FAM111B: variants seen among roughly 807,000 people sequenced by gnomAD.
The protein encoded by FAM111B is serine protease FAM111B.
In FAM111B, 1 loss-of-function variant was observed where a neutral mutation model predicts 2.8. That is an observed-to-expected ratio of 0.36 (90% CI 0.13 to 1.70). The LOEUF (loss-of-function observed/expected upper bound fraction) is 1.70, where lower values mean the gene tolerates loss of function less well. Ranked by LOEUF, FAM111B falls within the 40% of genes most tolerant of loss-of-function variation. FAM111B has a pLI of 0.35. For missense variants in FAM111B, 882 were observed against 878.9 expected, an observed-to-expected ratio of 1.00 and a Z score of -0.04; for synonymous variants, 297 against 295.6, an observed-to-expected ratio of 1.00 and a Z score of -0.05.
rs1210581813 is a variant in FAM111B at position 59,121,917 on chromosome 11, G to A, written c.82-2262G>A. On this transcript the variant is annotated intron_variant, in intron 3 of 3. Coordinates refer to ENST00000343597, the MANE Select transcript of FAM111B (RefSeq NM_198947.4). ...CCCAGCACTTTGGGAGGCCGAGGCA[G>A]GTGGATCATGAGGTCAGGAGTTGAA... Among the ~76,000 whole-genome samples the A allele has an allele frequency of 5.3e-5, 8 of 152,302 alleles. No individual in the cohort carries two copies. In the East Asian group the frequency reaches 1.5e-3, roughly 29 times the overall value.
intron 3 of FAM111B, among the ~76,000 whole-genome samples, chr11:59,119,543 CT>C (rs942597894): frequency 1.3e-5 from 2 of 151,934 alleles, no homozygotes; most frequent in Non-Finnish European, 2.9e-5. Context: ...CAGGATGCTG[CT>C]TTTTTTTATT....
intron 3 of FAM111B, among the ~76,000 whole-genome samples, chr11:59,115,340 A>G (rs1359389453): frequency 6.6e-6 from 1 of 152,184 alleles, no homozygotes; most frequent in Non-Finnish European, 1.5e-5. Context: ...ACTCATATCC[A>G]TGCTGTTTCT....
At chr11:59,116,747 GATAT>G (rs113302568) in intron 3 of FAM111B, among the ~76,000 whole-genome samples, 8,112 of 152,254 alleles carry the variant, frequency 0.053, 524 homozygotes, top group East Asian at 0.17. Flanking sequence ...CCTCAACCCA[GATAT>G]ATTAAGTCAG....
In FAM111B at chr11:59,124,410, G is replaced by A. The variant is rs374250882; in HGVS notation, c.313G>A (p.Glu105Lys). Residue 105 changes from glutamate (E) to lysine (K), a missense_variant, in exon 4 of 4, where the codon GAG (glutamate) becomes AAG (lysine). Physicochemically the swap from Glu to Lys is moderately conservative, Grantham distance 56. Transcript: ENST00000343597. ...SVFTAYGKPS[E>K]SIYSALSAND... ...GTTTACAGCATATGGTAAACCCAGC[G>A]AGAGTATCTACTCAGCCCTGAGTGC... The A allele has an allele frequency of 4.7e-5, 76 of 1,613,516 alleles. No individual in the cohort carries two copies. Among genetic ancestry groups the A allele is most frequent in the Non-Finnish European group, 6.3e-5 (74 of 1,179,856 alleles).
intron 3 of FAM111B, among the ~76,000 whole-genome samples, chr11:59,122,546 G>A (rs1327388041): frequency 1.3e-5 from 2 of 152,102 alleles, no homozygotes; most frequent in East Asian, 3.8e-4. Context: ...AAGAAGCTGA[G>A]GACTATTCAC....
chr11:59,120,674 A>T (rs1859907194), intron 3 of FAM111B, among the ~76,000 whole-genome samples: 1 of 152,158 alleles, frequency 6.6e-6, no homozygotes, highest in Non-Finnish European at 1.5e-5. Context: ...TGTTTACCTC[A>T]TCTTCCCTCT....
chr11:59,111,274 A>T (rs1157885677), intron 3 of FAM111B, among the ~76,000 whole-genome samples: 1 of 152,160 alleles, frequency 6.6e-6, no homozygotes, highest in African/African-American at 2.4e-5. Context: ...GCACATATAG[A>T]TATTCTTAAG....
intron 3 of FAM111B, among the ~76,000 whole-genome samples, chr11:59,111,558 A>C (rs1334267081): frequency 2.6e-5 from 4 of 152,344 alleles, no homozygotes; most frequent in Non-Finnish European, 5.9e-5. Context: ...CACTAATCAC[A>C]TGTGATTATG....
chr11:59,125,870 T>C lies in FAM111B; in HGVS notation c.1773T>C (p.Thr591=). The change falls in exon 4 of 4, where the codon ACT becomes ACC. Residue 591 remains threonine (T), a synonymous_variant. Transcript: ENST00000343597. ...EGQIKKIDGC[T]VIPLNERLKK... ...AGATCAAGAAAATAGATGGTTGTACTGTGATTCCTCTAAACGAACGATTGA... is the reference window on the plus strand; with the variant it reads ...AGATCAAGAAAATAGATGGTTGTACCGTGATTCCTCTAAACGAACGATTGA... 1 of 1,613,962 alleles carries C rather than the reference T, an allele frequency of 6.2e-7. No individual in the cohort carries two copies. Among genetic ancestry groups the C allele is most frequent in the Non-Finnish European group, 8.5e-7 (1 of 1,179,858 alleles).
chr11:59,125,184 C>G lies in FAM111B; in HGVS notation c.1087C>G (p.Gln363Glu). Residue 363 changes from glutamine (Q) to glutamate (E), a missense_variant, in exon 4 of 4, where the codon CAA (glutamine) becomes GAA (glutamate). Transcript: ENST00000343597. ...LPRKYRQINS[Q>E]VRRRPHLGRR... is the part of the protein sequence containing the mutation. ...CCGAAAATATAGGCAAATAAACTCACAAGTTAGACGGAGGCCGCATCTGGG... is the reference window on the plus strand; with the variant it reads ...CCGAAAATATAGGCAAATAAACTCAGAAGTTAGACGGAGGCCGCATCTGGG... 6.2e-7 allele frequency: 1 copy of G among 1,613,956 alleles called. No homozygotes were observed. The highest frequency in any genetic ancestry group is 1.7e-5 in the Admixed American group (1 of 60,012).
At chr11:59,119,728 T>G (rs1859892225) in intron 3 of FAM111B, among the ~76,000 whole-genome samples, 1 of 152,296 alleles carries the variant, frequency 6.6e-6, no homozygotes, top group South Asian at 2.1e-4. Flanking sequence ...AAATAATGAA[T>G]CATTATAAGT....
intron 3 of FAM111B, among the ~76,000 whole-genome samples, chr11:59,112,992 T>G (rs935015608): frequency 6.6e-6 from 1 of 152,242 alleles, no homozygotes; most frequent in Non-Finnish European, 1.5e-5. Context: ...GGAAAAGTTT[T>G]CAACTTTGAT....
At position 59,126,335 on chromosome 11, in the gene FAM111B, A is replaced by G. The variant is rs765390865; in HGVS notation, c.*33A>G. 12 of 1,459,798 alleles carry G rather than the reference A, an allele frequency of 8.2e-6. No homozygotes were observed. In the East Asian group the frequency reaches 9.3e-5, roughly 11 times the overall value. 90.4% of individuals were successfully genotyped at this position (1,459,798 alleles called of 1,614,324 possible). ...ATGCTGTCTTCAAGAAAATATGCCA[A>G]TAATTCCTGGCAAAGATTTCATGAC... On this transcript the variant is annotated 3_prime_UTR_variant, in exon 4 of 4. Transcript: ENST00000343597.
rs1049140313 is a variant in FAM111B at position 59,107,297 on chromosome 11, G to C, written c.-132+1G>C. ...CCGTGTGGACAGACTCTCCGGTTCT[G>C]TGAGTGGTTTTTCTTTTCCCGGGTC... On this transcript the variant is annotated splice_donor_variant, in intron 1 of 3. Coordinates refer to ENST00000343597, the MANE Select transcript of FAM111B (RefSeq NM_198947.4). LOFTEE classifies it low-confidence loss of function (5UTR_SPLICE). The C allele has an allele frequency of 6.6e-6, 1 of 152,476 alleles. No homozygotes were observed. Among genetic ancestry groups the C allele is most frequent in the Non-Finnish European group, 1.5e-5 (1 of 68,270 alleles). The allele number at this position is 152,476 out of a possible 1,614,324, so 9.4% of individuals were successfully genotyped here. A position where few individuals can be genotyped will look rare whatever the true frequency, so the allele number is the denominator to read the frequency against.
At chr11:59,116,442 T>G (rs10437720) in intron 3 of FAM111B, among the ~76,000 whole-genome samples, 37,366 of 152,100 alleles carry the variant, frequency 0.25, 4,833 homozygotes, top group African/African-American at 0.34. Flanking sequence ...AAGGTGAAAT[T>G]CTGTGTCCCA....
Position 59,125,247 on chromosome 11 carries a change from G to T in FAM111B, c.1150G>T (p.Ala384Ser). 6.2e-7 allele frequency: 1 copy of T among 1,613,806 alleles called. No homozygotes were observed. Among genetic ancestry groups the T allele is most frequent in the African/African-American group, 1.3e-5 (1 of 75,010 alleles). ...YAINLDVQKE[A>S]INLLKNYQTL... ...TATTAATCTGGATGTCCAAAAGGAG[G>T]CAATTAATCTCTTAAAGAATTATCA... The change falls in exon 4 of 4, where the codon GCA (alanine) becomes TCA (serine). Residue 384 changes from alanine to serine, a missense_variant. Ala to Ser is a moderately conservative substitution (Grantham distance 99). Coordinates refer to ENST00000343597, the MANE Select transcript of FAM111B (RefSeq NM_198947.4).
In FAM111B at chr11:59,109,608, A is replaced by G. The variant is rs1859725951; in HGVS notation, c.-18A>G. On this transcript the variant is annotated 5_prime_UTR_variant, in exon 3 of 4. Coordinates refer to ENST00000343597, the MANE Select transcript of FAM111B (RefSeq NM_198947.4). ...TTATCGAGTAGTAGAAGTTAGTTAC[A>G]TTCTCTTTGAACTCATCATGAATTC... is the stretch of plus-strand genomic sequence containing the variant. 2 of 1,543,552 alleles carry G rather than the reference A, an allele frequency of 1.3e-6. No individual in the cohort carries two copies. The highest frequency in any genetic ancestry group is 1.4e-5 in the African/African-American group (1 of 73,354).
intron 3 of FAM111B, among the ~76,000 whole-genome samples, chr11:59,115,766 C>T (rs973147258): frequency 1.3e-5 from 2 of 152,146 alleles, no homozygotes; most frequent in Non-Finnish European, 2.9e-5. Context: ...GGGATTTTCA[C>T]ATTATAATGA....
chr11:59,117,238 GA>G (rs2135399426), intron 3 of FAM111B, among the ~76,000 whole-genome samples: 1 of 152,294 alleles, frequency 6.6e-6, no homozygotes, highest in African/African-American at 2.4e-5. Flanking sequence ...TGGAAAGGAA[GA>G]GACATGTTTG....
Sources: gnomAD v4.1 joint callset for allele counts (sites outside exome capture counted in the v4.1 genomes callset) on GRCh38, gnomAD v4.1.1 for gene constraint, MANE v1.5 for transcripts, NCBI Gene and HGNC (gene_info 2026-07-23, HGNC 2026-07-21) for gene names.